Variants in EVI5 observed in about 807,000 individuals in gnomAD.
EVI5 encodes ecotropic viral integration site 5 protein homolog.
EVI5 carries 73 observed loss-of-function variants against 112.0 expected under a neutral mutation model. That is an observed-to-expected ratio of 0.65 (90% CI 0.54 to 0.79). The LOEUF (loss-of-function observed/expected upper bound fraction) is 0.79, where lower values mean the gene tolerates loss of function less well. Among genes scored for constraint, EVI5 ranks in the 30% least tolerant of loss-of-function variants. EVI5 has a pLI of 0.00. For missense variants in EVI5, 900 were observed against 968.8 expected, an observed-to-expected ratio of 0.93 and a Z score of 0.94; for synonymous variants, 305 against 319.9, an observed-to-expected ratio of 0.95 and a Z score of 0.50.
At chr1:92,647,795 A>T (rs1661250252) in intron 13 of EVI5, among the ~76,000 whole-genome samples, 1 of 151,752 alleles carries the variant, frequency 6.6e-6, no homozygotes, top group Non-Finnish European at 1.5e-5. Flanking sequence ...GCTGGAGTGC[A>T]GTGGCGCAAT....
intron 19 of EVI5, among the ~76,000 whole-genome samples, chr1:92,524,024 G>T (rs1480003322): frequency 1.3e-5 from 2 of 151,536 alleles, no homozygotes. Flanking sequence ...TTGAACTTGG[G>T]AGGTGGAGGT....
intron 18 of EVI5, among the ~76,000 whole-genome samples, chr1:92,566,051 C>T (rs1669427894): frequency 6.7e-6 from 1 of 150,372 alleles, no homozygotes; most frequent in Non-Finnish European, 1.5e-5. Flanking sequence ...TGTTAACTGT[C>T]CTCCCTACCC....
At chr1:92,664,885 A>G (rs1356743678) in intron 11 of EVI5, among the ~76,000 whole-genome samples, 1 of 152,180 alleles carries the variant, frequency 6.6e-6, no homozygotes, top group Non-Finnish European at 1.5e-5. Flanking sequence ...GTATGTTTAA[A>G]TCTACTTACT....
At chr1:92,613,715 A>G (rs1652410727) in intron 16 of EVI5, among the ~76,000 whole-genome samples, 1 of 152,094 alleles carries the variant, frequency 6.6e-6, no homozygotes, top group Non-Finnish European at 1.5e-5. Context: ...CGGCCTCTCA[A>G]GTAGCTGGGA....
intron 2 of EVI5, among the ~76,000 whole-genome samples, chr1:92,730,376 GA>G (rs1252517460): frequency 6.6e-6 from 1 of 151,674 alleles, no homozygotes; most frequent in Non-Finnish European, 1.5e-5. Context: ...AAGAAAGAAG[GA>G]AATGGAGAAA....
chr1:92,630,248 C>T (rs1656700990), intron 14 of EVI5, among the ~76,000 whole-genome samples: 1 of 152,200 alleles, frequency 6.6e-6, no homozygotes, highest in African/African-American at 2.4e-5. Context: ...GCCACACTGA[C>T]TTCCACAATG....
intron 14 of EVI5, among the ~76,000 whole-genome samples, chr1:92,631,199 T>C (rs2101847765): frequency 6.6e-6 from 1 of 152,194 alleles, no homozygotes; most frequent in Admixed American, 6.5e-5. Context: ...TAAAGTAGTT[T>C]TTTCCAATTC....
chr1:92,647,617 G>C, intron 13 of EVI5: 1 of 436,424 alleles, frequency 2.3e-6, no homozygotes, highest in Non-Finnish European at 4.3e-6. Flanking sequence ...CTTTCCCTCT[G>C]GTTTCTTGGG....
intron 19 of EVI5, among the ~76,000 whole-genome samples, chr1:92,539,898 C>T (rs978609774): frequency 2.6e-5 from 4 of 152,190 alleles, no homozygotes; most frequent in Non-Finnish European, 1.5e-5. Flanking sequence ...CAAGGAACCA[C>T]TAATCTACTT....
At chr1:92,737,924 A>T (rs942012114) in intron 1 of EVI5, among the ~76,000 whole-genome samples, 2 of 152,230 alleles carry the variant, frequency 1.3e-5, no homozygotes, top group African/African-American at 4.8e-5. Context: ...CCATTTGCCA[A>T]TAATTTTCCC....
At position 92,590,924 on chromosome 1, in the gene EVI5, A is replaced by G. The variant is rs536710149; in HGVS notation, c.2070+14383T>C. ...ACTAACAGCTGATCTCTCAGCAGAAACTCTACAAGTCAGAAGAGAGTGGGG... is the reference window on the plus strand; with the variant it reads ...ACTAACAGCTGATCTCTCAGCAGAAGCTCTACAAGTCAGAAGAGAGTGGGG... On this transcript the variant is annotated intron_variant, in intron 18 of 19. Coordinates refer to ENST00000684568, the MANE Select transcript of EVI5 (RefSeq NM_001350197.2). Among the ~76,000 whole-genome samples, 87 of 152,330 alleles carry G rather than the reference A, an allele frequency of 5.7e-4. 1 individual carries two copies. In the South Asian group the frequency reaches 0.017, roughly 30 times the overall value.
At chr1:92,633,336 G>C (rs1158415215) in intron 14 of EVI5, among the ~76,000 whole-genome samples, 1 of 152,322 alleles carries the variant, frequency 6.6e-6, no homozygotes, top group East Asian at 1.9e-4. Flanking sequence ...CTAAGGACTT[G>C]CTTTATGAAT....
intron 16 of EVI5, among the ~76,000 whole-genome samples, chr1:92,612,276 G>C (rs1652009029): frequency 6.6e-6 from 1 of 151,400 alleles, no homozygotes; most frequent in Non-Finnish European, 1.5e-5. Context: ...ATAAAGAGGA[G>C]GAAAGGAAGA....
At chr1:92,721,834 A>G (rs937570693) in intron 2 of EVI5, among the ~76,000 whole-genome samples, 3 of 152,190 alleles carry the variant, frequency 2.0e-5, no homozygotes, top group Non-Finnish European at 4.4e-5. Flanking sequence ...CGCTTTGTGT[A>G]TTTTAGTTGC....
intron 19 of EVI5, among the ~76,000 whole-genome samples, chr1:92,553,864 T>A (rs1667330887): frequency 6.6e-6 from 1 of 152,218 alleles, no homozygotes; most frequent in African/African-American, 2.4e-5. Context: ...TTGGTGGAAG[T>A]TTGCCACCAG....
chr1:92,736,268 G>C (rs1208735870), intron 2 of EVI5, 130 bp downstream of exon 2: 1 of 623,726 alleles, frequency 1.6e-6, no homozygotes, highest in Non-Finnish European at 2.8e-6. Flanking sequence ...CCCCAAAAAA[G>C]ATGAACACTT....
At chr1:92,662,125 GTTAA>G (rs1306546504) in intron 13 of EVI5, among the ~76,000 whole-genome samples, 3 of 152,108 alleles carry the variant, frequency 2.0e-5, no homozygotes, top group Non-Finnish European at 4.4e-5. Flanking sequence ...TACACCCTAG[GTTAA>G]TTAAGATAAT....
intron 6 of EVI5, among the ~76,000 whole-genome samples, chr1:92,697,159 T>C (rs1366544241): frequency 6.6e-6 from 1 of 152,106 alleles, no homozygotes; most frequent in Non-Finnish European, 1.5e-5. Context: ...AGGAAACTAA[T>C]AAAAATGGCT....
chr1:92,778,180 T>C (rs896049945), intron 1 of EVI5, among the ~76,000 whole-genome samples: 5 of 152,150 alleles, frequency 3.3e-5, no homozygotes, highest in African/African-American at 1.2e-4. Flanking sequence ...GGGCTGGGAT[T>C]ACAGGGGTGA....
Sources: allele counts gnomAD v4.1 joint callset (sites outside exome capture counted in the v4.1 genomes callset), GRCh38; gene constraint gnomAD v4.1.1; transcripts MANE v1.5; gene names NCBI Gene and HGNC (gene_info 2026-07-23, HGNC 2026-07-21).